ANGPT1: variants seen among roughly 807,000 people sequenced by gnomAD.
ANGPT1 encodes the protein angiopoietin 1.
ANGPT1 carries 17 observed loss-of-function variants against 62.2 expected under a neutral mutation model. That is an observed-to-expected ratio of 0.27 (90% CI 0.19 to 0.41). The LOEUF is 0.41. Among genes scored for constraint, ANGPT1 ranks in the 10% least tolerant of loss-of-function variants. The pLI is 1.00. For missense variants in ANGPT1, 478 were observed against 594.9 expected, an observed-to-expected ratio of 0.80 and a Z score of 2.04; for synonymous variants, 199 against 198.9, an observed-to-expected ratio of 1.00 and a Z score of 0.00.
At chr8:107,480,558 A>T (rs1419961773) in intron 1 of ANGPT1, among the ~76,000 whole-genome samples, 1 of 152,226 alleles carries the variant, frequency 6.6e-6, no homozygotes, top group Admixed American at 6.5e-5. Context: ...GACTATCCAC[A>T]CACATAGAAT....
intron 1 of ANGPT1, among the ~76,000 whole-genome samples, chr8:107,451,475 A>G (rs1811777542): frequency 6.6e-6 from 1 of 151,980 alleles, no homozygotes; most frequent in Admixed American, 6.6e-5. Flanking sequence ...TTTTATCAAT[A>G]GAATATTCTG....
chr8:107,383,986 T>G (rs2130282735), intron 1 of ANGPT1, among the ~76,000 whole-genome samples: 1 of 152,258 alleles, frequency 6.6e-6, no homozygotes, highest in South Asian at 2.1e-4. Context: ...TCATCTAAAC[T>G]TACTCTTAAA....
chr8:107,442,081 C>T (rs922145870), intron 1 of ANGPT1, among the ~76,000 whole-genome samples: 10 of 151,722 alleles, frequency 6.6e-5, no homozygotes, highest in Non-Finnish European at 1.3e-4. Flanking sequence ...GACACTCCGT[C>T]TCAAAAAAAA....
At chr8:107,354,296 C>A (rs1466828165) in intron 1 of ANGPT1, among the ~76,000 whole-genome samples, 2 of 152,128 alleles carry the variant, frequency 1.3e-5, no homozygotes, top group African/African-American at 2.4e-5. Context: ...TTTTCCTTTA[C>A]CTTTTTTTAA....
chr8:107,346,023 A>G (rs1368433891), intron 2 of ANGPT1, among the ~76,000 whole-genome samples: 2 of 152,206 alleles, frequency 1.3e-5, no homozygotes, highest in African/African-American at 4.8e-5. Flanking sequence ...TAAAAGATCT[A>G]TCTATCTGCT....
chr8:107,363,915 A>G (rs1816219471), intron 1 of ANGPT1, among the ~76,000 whole-genome samples: 1 of 152,188 alleles, frequency 6.6e-6, no homozygotes, highest in Admixed American at 6.5e-5. Context: ...GTCAAGAATG[A>G]AACTATTTCA....
intron 1 of ANGPT1, among the ~76,000 whole-genome samples, chr8:107,450,615 T>C (rs1431193429): frequency 1.3e-5 from 2 of 151,942 alleles, no homozygotes; most frequent in Admixed American, 6.6e-5. Context: ...CAGTAAAGTC[T>C]AATATTATTT....
rs114135813 is a variant in ANGPT1 at position 107,316,448 on chromosome 8, T to C, written c.808+5448A>G. ...TGGTAATAGAACCTATCATACAGTG[T>C]TGTTACCAGAATTAAATAAACTAAT... On this transcript the variant is annotated intron_variant, in intron 4 of 8. Coordinates refer to ENST00000517746, the MANE Select transcript of ANGPT1 (RefSeq NM_001146.5). Among the ~76,000 whole-genome samples, 1,293 of 152,290 alleles carry C rather than the reference T, an allele frequency of 8.5e-3. 25 individuals are homozygous for C. The highest frequency in any genetic ancestry group is 0.03 in the African/African-American group (1,238 of 41,552).
intron 1 of ANGPT1, among the ~76,000 whole-genome samples, chr8:107,418,254 G>A (rs541250372): frequency 7.2e-5 from 11 of 152,138 alleles, no homozygotes; most frequent in East Asian, 3.9e-4. Context: ...ATAAACCCCC[G>A]TCACCATTTT....
At chr8:107,370,071 A>G (rs3019112) in intron 1 of ANGPT1, among the ~76,000 whole-genome samples, 111,825 of 150,278 alleles carry the variant, frequency 0.74, 42,467 homozygotes, top group East Asian at 0.87. Flanking sequence ...TGGGAAAGTC[A>G]AGGCTCAGAG....
chr8:107,369,289 C>T (rs1033855854), intron 1 of ANGPT1, among the ~76,000 whole-genome samples: 4 of 152,182 alleles, frequency 2.6e-5, no homozygotes, highest in Middle Eastern at 3.2e-3. Context: ...GCAGCTCTCT[C>T]ACCTCTCTCA....
chr8:107,334,578 T>G (rs956941868), intron 3 of ANGPT1, among the ~76,000 whole-genome samples: 4 of 152,148 alleles, frequency 2.6e-5, no homozygotes, highest in Admixed American at 2.6e-4. Flanking sequence ...ATTGTATAAT[T>G]ATAAAACCAA....
chr8:107,365,408 T>C (rs74648250), intron 1 of ANGPT1, among the ~76,000 whole-genome samples: 25,021 of 152,140 alleles, frequency 0.16, 2,513 homozygotes, highest in Admixed American at 0.23. Context: ...TTATTTAATC[T>C]TATAACTAAA....
intron 3 of ANGPT1, among the ~76,000 whole-genome samples, chr8:107,332,719 C>T (rs1025567563): frequency 2.6e-5 from 4 of 152,196 alleles, no homozygotes; most frequent in Non-Finnish European, 5.9e-5. Flanking sequence ...CTTACTCAAA[C>T]CTGGTAAGTC....
At chr8:107,333,555 C>T (rs372906399) in intron 3 of ANGPT1, among the ~76,000 whole-genome samples, 6 of 152,150 alleles carry the variant, frequency 3.9e-5, no homozygotes, top group South Asian at 4.2e-4. Flanking sequence ...GTGATTTACA[C>T]GTGTAAGAAA....
chr8:107,352,405 A>G (rs1815951645), intron 1 of ANGPT1, among the ~76,000 whole-genome samples: 1 of 152,164 alleles, frequency 6.6e-6, no homozygotes, highest in East Asian at 1.9e-4. Context: ...TTGTAGTTCT[A>G]TCATAAATCA....
chr8:107,379,404 A>T (rs970309532), intron 1 of ANGPT1, among the ~76,000 whole-genome samples: 1 of 152,196 alleles, frequency 6.6e-6, no homozygotes, highest in African/African-American at 2.4e-5. Flanking sequence ...TAAATAAATT[A>T]CAATTTTGAA....
At chr8:107,486,229 G>T (rs1407463259) in intron 1 of ANGPT1, among the ~76,000 whole-genome samples, 1 of 152,154 alleles carries the variant, frequency 6.6e-6, no homozygotes, top group Non-Finnish European at 1.5e-5. Context: ...TTGACAAGAG[G>T]AGACATGGCA....
intron 1 of ANGPT1, among the ~76,000 whole-genome samples, chr8:107,417,486 A>T (rs139619877): frequency 6.6e-6 from 1 of 152,174 alleles, no homozygotes; most frequent in East Asian, 1.9e-4. Context: ...TGACTTCCAA[A>T]CTTTCATTCT....
Sources: allele counts gnomAD v4.1 joint callset (sites outside exome capture counted in the v4.1 genomes callset), GRCh38; gene constraint gnomAD v4.1.1; transcripts MANE v1.5; gene names NCBI Gene and HGNC (gene_info 2026-07-23, HGNC 2026-07-21).